The following NRXN1 variants were observed in gnomAD, a reference collection of about 807,000 sequenced individuals.
NRXN1 encodes neurexin 1, also known as neurexin-1.
NRXN1 carries 39 observed loss-of-function variants against 150.9 expected under a neutral mutation model. That is an observed-to-expected ratio of 0.26 (90% CI 0.20 to 0.34). The LOEUF (loss-of-function observed/expected upper bound fraction) is 0.34, where lower values mean the gene tolerates loss of function less well. NRXN1 is among the 10% of genes least tolerant of loss of function. The probability of loss-of-function intolerance (pLI) is 1.00; values close to 1 mark genes in which losing one functional copy is unlikely to be tolerated. For missense variants in NRXN1, 1,815 were observed against 1,949.9 expected (o/e 0.93, Z 1.30); for synonymous variants, 924 against 757.0 (o/e 1.22, Z -3.62).
chr2:50,949,189 T>C (rs977158774), intron 2 of NRXN1, among the ~76,000 whole-genome samples: 1 of 152,066 alleles, frequency 6.6e-6, no homozygotes, highest in Non-Finnish European at 1.5e-5. Context: ...TTTTATTACA[T>C]ATTCTTATCT....
chr2:50,085,716 A>AT (rs1558845810), intron 19 of NRXN1, among the ~76,000 whole-genome samples: 2 of 151,734 alleles, frequency 1.3e-5, no homozygotes, highest in East Asian at 3.9e-4. Flanking sequence ...TTATAAGAAA[A>AT]TTTTTTTTAT....
chr2:50,779,066 G>A (rs1574446453), intron 5 of NRXN1, among the ~76,000 whole-genome samples: 1 of 151,872 alleles, frequency 6.6e-6, no homozygotes, highest in Non-Finnish European at 1.5e-5. Flanking sequence ...GGATACATGT[G>A]CAGAACATGC....
intron 5 of NRXN1, chr2:50,631,046 T>A (rs1231289654): frequency 4.7e-6 from 2 of 428,340 alleles, no homozygotes; most frequent in East Asian, 8.3e-5. Flanking sequence ...TGCCACGAAC[T>A]GTGTAACTGA....
intron 2 of NRXN1, among the ~76,000 whole-genome samples, chr2:50,936,950 C>A (rs904392401): frequency 6.6e-6 from 1 of 152,016 alleles, no homozygotes; most frequent in Admixed American, 6.6e-5. Context: ...GCATTTCTTA[C>A]CAATACTTCA....
chr2:50,792,202 A>G (rs1456592657), intron 5 of NRXN1, among the ~76,000 whole-genome samples: 5 of 152,178 alleles, frequency 3.3e-5, no homozygotes, highest in Admixed American at 6.5e-5. Context: ...CGAGAAAACT[A>G]CAGTTTAGAA....
At chr2:50,985,465 C>T (rs1295407216) in intron 2 of NRXN1, 1 of 151,624 alleles carries the variant, frequency 6.6e-6, no homozygotes, top group Non-Finnish European at 1.5e-5. Context: ...GCAGAAAATT[C>T]TGAATCTAGA....
intron 17 of NRXN1, among the ~76,000 whole-genome samples, chr2:50,257,127 T>C (rs554107155): frequency 2.1e-4 from 32 of 152,240 alleles, no homozygotes; most frequent in Admixed American, 3.9e-4. Flanking sequence ...TTTATGGATT[T>C]AAAAGAGATT....
chr2:50,367,951 A>G (rs1003657539), intron 17 of NRXN1, among the ~76,000 whole-genome samples: 3 of 152,020 alleles, frequency 2.0e-5, no homozygotes, highest in African/African-American at 7.2e-5. Context: ...AACAGTTTCA[A>G]CTGCCCTAAT....
chr2:50,235,926 A>G (rs572717730), intron 18 of NRXN1, among the ~76,000 whole-genome samples: 6 of 152,192 alleles, frequency 3.9e-5, no homozygotes, highest in Middle Eastern at 3.4e-3. Flanking sequence ...ACACACTACG[A>G]TTTTTTGGAT....
chr2:50,185,879 T>C (rs982857290), intron 18 of NRXN1, among the ~76,000 whole-genome samples: 1 of 152,108 alleles, frequency 6.6e-6, no homozygotes, highest in African/African-American at 2.4e-5. Flanking sequence ...TCAAATTACC[T>C]TGGTTTAAAA....
chr2:50,891,845 A>G (rs934600213), intron 5 of NRXN1, among the ~76,000 whole-genome samples: 3 of 151,986 alleles, frequency 2.0e-5, no homozygotes, highest in Non-Finnish European at 4.4e-5. Context: ...CAACATATTC[A>G]CTTGTTTCTT....
intron 21 of NRXN1, among the ~76,000 whole-genome samples, chr2:49,964,419 A>C (rs531096157): frequency 6.6e-6 from 1 of 151,860 alleles, no homozygotes; most frequent in South Asian, 2.1e-4. Flanking sequence ...CCTCTACTAA[A>C]AATACAAAAA....
rs373326212 is a variant in NRXN1 at position 50,626,880 on chromosome 2, C to T, written c.833-3265G>A. 2.6e-4 allele frequency among the ~76,000 whole-genome samples: 40 copies of T among 151,792 alleles called. No individual in the cohort carries two copies. In the South Asian group the frequency reaches 8.3e-3, roughly 32 times the overall value. ...TTATAATCCAGAATATGCCAAGCAC[C>T]TCAGCGAATCAATACAAAAATAAAG... On this transcript the variant is annotated intron_variant, in intron 5 of 22. Transcript: ENST00000401669.
At chr2:50,557,479 G>A (rs535219009) in intron 8 of NRXN1, among the ~76,000 whole-genome samples, 3 of 152,012 alleles carry the variant, frequency 2.0e-5, no homozygotes, top group African/African-American at 7.3e-5. Context: ...TAAGGAGTGA[G>A]GCCTAAGAAT....
At chr2:50,174,102 T>G (rs1401279082) in intron 18 of NRXN1, among the ~76,000 whole-genome samples, 1 of 152,178 alleles carries the variant, frequency 6.6e-6, no homozygotes, top group Non-Finnish European at 1.5e-5. Flanking sequence ...TAAATTGGCC[T>G]TCTGATTAGA....
intron 13 of NRXN1, among the ~76,000 whole-genome samples, chr2:50,506,218 C>T (rs2092214096): frequency 6.6e-6 from 1 of 151,938 alleles, no homozygotes; most frequent in Admixed American, 6.6e-5. Context: ...TTTGATGAGG[C>T]ACCAAGATAT....
chr2:50,979,049 T>A (rs929138475), intron 2 of NRXN1, among the ~76,000 whole-genome samples: 4 of 152,088 alleles, frequency 2.6e-5, no homozygotes, highest in Admixed American at 2.6e-4. Flanking sequence ...GTCCCAACTC[T>A]CCTCTAGGAT....
chr2:50,504,563 A>G lies in NRXN1; in HGVS notation c.2497+1932T>C, dbSNP rs544941161. ...TGAAATTATTTTGAAATAACTTTCT[A>G]AAATACATTTCTTAAAAAAAATGTT... On this transcript the variant is annotated intron_variant, in intron 13 of 22. Coordinates refer to ENST00000401669, the MANE Select transcript of NRXN1 (RefSeq NM_001330078.2). Among the ~76,000 whole-genome samples the G allele has an allele frequency of 7.9e-5, 12 of 152,278 alleles. No homozygotes were observed. In the East Asian group the frequency reaches 2.3e-3, roughly 29 times the overall value.
At chr2:50,622,618 A>G (rs1680231685) in intron 6 of NRXN1, among the ~76,000 whole-genome samples, 1 of 152,192 alleles carries the variant, frequency 6.6e-6, no homozygotes, top group Admixed American at 6.5e-5. Flanking sequence ...ATGTAGACCC[A>G]CAGATTTAGT....
Sources: allele counts gnomAD v4.1 joint callset (sites outside exome capture counted in the v4.1 genomes callset), GRCh38; gene constraint gnomAD v4.1.1; transcripts MANE v1.5; gene names NCBI Gene and HGNC (gene_info 2026-07-23, HGNC 2026-07-21).